The following SEPTIN14 variants were observed in gnomAD, a reference collection of about 807,000 sequenced individuals.
SEPTIN14 encodes the protein septin-14.
In SEPTIN14, 40 loss-of-function variants were observed where a neutral mutation model predicts 53.6. The ratio of observed to expected loss-of-function variants is 0.75; its 90% CI spans 0.58 to 0.97. SEPTIN14 has a LOEUF of 0.97. SEPTIN14 is among the 50% of genes least tolerant of loss of function. SEPTIN14 has a pLI of 0.00. For missense variants in SEPTIN14, 471 were observed against 508.2 expected (o/e 0.93, Z 0.70); for synonymous variants, 138 against 166.8 (o/e 0.83, Z 1.33).
rs1254630980 is a variant in SEPTIN14, at chr7:55,827,673, ACAGGCAACT to A, written c.720+6743_720+6751del. Reference sequence around the variant, plus strand: ...AGCTGTGTCTTCCCCTCTGGGCTGAACAGGCAACTCAGAGTCTAGGCATTACATAGACCA... The same window carrying A: ...AGCTGTGTCTTCCCCTCTGGGCTGAACAGAGTCTAGGCATTACATAGACCA... On this transcript the variant is annotated intron_variant, in intron 6 of 9. Transcript: ENST00000388975. Among the ~76,000 whole-genome samples, 14 of 152,346 alleles carry A rather than the reference ACAGGCAACT, an allele frequency of 9.2e-5. No individual in the cohort carries two copies. The East Asian group carries it at 2.7e-3, about 29-fold the overall frequency.
At chr7:55,857,520 A>AAGGGAAGGGC (rs1789658885) in intron 2 of SEPTIN14, among the ~76,000 whole-genome samples, 3 of 107,122 alleles carry the variant, frequency 2.8e-5, no homozygotes, top group Non-Finnish European at 5.6e-5. Flanking sequence ...AAGGGAAGGG[A>AAGGGAAGGGC]AAGGAAAGGA....
intron 2 of SEPTIN14, among the ~76,000 whole-genome samples, chr7:55,847,940 C>A (rs1386777272): frequency 6.6e-6 from 1 of 152,094 alleles, no homozygotes; most frequent in Non-Finnish European, 1.5e-5. Flanking sequence ...CAACCCCCTG[C>A]ACAACTATAA....
chr7:55,827,533 C>T (rs1024570812), intron 6 of SEPTIN14, among the ~76,000 whole-genome samples: 2 of 152,172 alleles, frequency 1.3e-5, no homozygotes, highest in East Asian at 1.9e-4. Context: ...CTCCTCCCTC[C>T]CTACAGAGAC....
intron 1 of SEPTIN14, 46 bp from the exon 2 acceptor site, chr7:55,862,057 G>A: frequency 1.7e-6 from 2 of 1,176,500 alleles, no homozygotes; most frequent in Non-Finnish European, 2.4e-6. Context: ...TCTTACAAAG[G>A]CTATATTCTT....
chr7:55,809,617 A>G (rs1340094026), intron 7 of SEPTIN14, among the ~76,000 whole-genome samples: 1 of 151,820 alleles, frequency 6.6e-6, no homozygotes, highest in East Asian at 1.9e-4. Context: ...TCAGCCTGCC[A>G]AAGTGCTGGG....
chr7:55,846,621 ATAT>A lies in SEPTIN14; in HGVS notation c.68_70del (p.Asn23del). 6.8e-7 allele frequency: 1 copy of A among 1,476,060 alleles called. No homozygotes were observed. Among genetic ancestry groups the A allele is most frequent in the Non-Finnish European group, 9.4e-7 (1 of 1,065,280 alleles). The allele number at this position is 1,476,060 out of a possible 1,614,324, so 91.4% of individuals were successfully genotyped here. The stretch of plus-strand genomic sequence containing the variant: ...ATGTCCAATCGTAGTTAAACAACGA[ATAT>A]TATTTTCTTTTTGCTTAAATAAAAC... On this transcript the variant is annotated inframe_deletion, in exon 3 of 10. Coordinates refer to ENST00000388975, the MANE Select transcript of SEPTIN14 (RefSeq NM_207366.3).
intron 5 of SEPTIN14, among the ~76,000 whole-genome samples, chr7:55,841,473 G>A (rs1364664126): frequency 6.6e-6 from 1 of 151,994 alleles, no homozygotes; most frequent in Admixed American, 6.6e-5. Flanking sequence ...AGTGGTTCAC[G>A]CTTTGGGAGG....
At chr7:55,814,747 C>T (rs1258100381) in intron 7 of SEPTIN14, among the ~76,000 whole-genome samples, 1 of 152,126 alleles carries the variant, frequency 6.6e-6, no homozygotes, top group Non-Finnish European at 1.5e-5. Flanking sequence ...TCTAAAGATT[C>T]AATGCGATCC....
intron 5 of SEPTIN14, among the ~76,000 whole-genome samples, chr7:55,839,673 C>G (rs1207267653): frequency 6.6e-6 from 1 of 152,122 alleles, no homozygotes; most frequent in Non-Finnish European, 1.5e-5. Context: ...GTAACTTACT[C>G]CCAAGGGTGC....
chr7:55,807,386 T>C (rs1305315783), intron 7 of SEPTIN14, 128 bp from the exon 8 acceptor site: 5 of 593,036 alleles, frequency 8.4e-6, no homozygotes, highest in Non-Finnish European at 1.4e-5. Context: ...ATTTGATTAA[T>C]AGCTATAATT....
At chr7:55,834,165 A>G (rs1457966938) in intron 6 of SEPTIN14, among the ~76,000 whole-genome samples, 1 of 152,194 alleles carries the variant, frequency 6.6e-6, no homozygotes, top group African/African-American at 2.4e-5. Context: ...AAATAGAAAA[A>G]AGAGGTAACA....
intron 7 of SEPTIN14, among the ~76,000 whole-genome samples, chr7:55,817,481 T>A (rs1282150695): frequency 6.7e-5 from 10 of 150,042 alleles, no homozygotes; most frequent in African/African-American, 2.2e-4. Context: ...TATATATTTT[T>A]TTTTTTTGAA....
chr7:55,798,382 C>T (rs1171780510), intron 9 of SEPTIN14: 2 of 239,008 alleles, frequency 8.4e-6, no homozygotes, highest in East Asian at 1.1e-4. Context: ...GGTAAGGGCC[C>T]ACCTTCCACC....
intron 6 of SEPTIN14, among the ~76,000 whole-genome samples, chr7:55,825,533 G>A (rs1358577067): frequency 6.6e-6 from 1 of 152,118 alleles, no homozygotes; most frequent in Non-Finnish European, 1.5e-5. Context: ...CTCATCAAGT[G>A]TAACAAATGC....
At position 55,848,576 on chromosome 7, in the gene SEPTIN14, T is replaced by G. The variant is rs193197738; in HGVS notation, c.55-1939A>C. Among the ~76,000 whole-genome samples the G allele has an allele frequency of 2.8e-3, 422 of 151,600 alleles. 5 individuals carry two copies. The highest frequency in any genetic ancestry group is 0.01 in the Middle Eastern group (3 of 290). ...CCTCCAAAGGGCTGGGATTACAAGC[T>G]TGAGTCACTGAGCCCGATCTACTAA... On this transcript the variant is annotated intron_variant, in intron 2 of 9. Transcript: ENST00000388975.
intron 6 of SEPTIN14, among the ~76,000 whole-genome samples, chr7:55,826,188 T>C (rs1215921530): frequency 1.3e-5 from 2 of 152,174 alleles, no homozygotes; most frequent in Non-Finnish European, 2.9e-5. Context: ...TGAGAACATG[T>C]AGATCTACTC....
intron 6 of SEPTIN14, among the ~76,000 whole-genome samples, chr7:55,819,995 C>T (rs148268478): frequency 0.01 from 1,542 of 152,050 alleles, 18 homozygotes; most frequent in African/African-American, 0.028. Context: ...GTATATGTCT[C>T]AATAAATTAT....
In SEPTIN14 at chr7:55,796,036, G is replaced by A. The variant is rs764910450; in HGVS notation, c.1176C>T (p.Leu392=). ...CTTCCAGTTGTTTTTTCTCTTCCTCGAGCTTCCTTATCTCCTCCTGTTGAA... is the reference window on the plus strand; with the variant it reads ...CTTCCAGTTGTTTTTTCTCTTCCTCAAGCTTCCTTATCTCCTCCTGTTGAA... ...KMIQQEEIRK[L]EEEKKQLEGE... is the part of the protein sequence containing the mutation. The change falls in exon 10 of 10, where the codon CTC becomes CTT. Residue 392 remains leucine, a synonymous_variant. Coordinates refer to ENST00000388975, the MANE Select transcript of SEPTIN14 (RefSeq NM_207366.3). 17 of 1,519,596 alleles carry A rather than the reference G, an allele frequency of 1.1e-5. No homozygotes were observed. The highest frequency in any genetic ancestry group is 2.2e-5 in the South Asian group (2 of 89,232). 94.1% of individuals were successfully genotyped at this position (1,519,596 alleles called of 1,614,324 possible).
intron 4 of SEPTIN14, among the ~76,000 whole-genome samples, chr7:55,844,103 C>A (rs1251996800): frequency 6.6e-6 from 1 of 152,082 alleles, no homozygotes; most frequent in East Asian, 1.9e-4. Context: ...TGCCACTGCA[C>A]TCCAGCCTGG....
Sources: gnomAD v4.1 joint callset for allele counts (sites outside exome capture counted in the v4.1 genomes callset) on GRCh38, gnomAD v4.1.1 for gene constraint, MANE v1.5 for transcripts, NCBI Gene and HGNC (gene_info 2026-07-23, HGNC 2026-07-21) for gene names.